Variants in CDH12 observed in about 807,000 individuals in gnomAD.
CDH12 encodes cadherin 12.
CDH12 carries 41 observed loss-of-function variants against 74.1 expected under a neutral mutation model. The ratio of observed to expected loss-of-function variants is 0.55; its 90% CI spans 0.43 to 0.72. CDH12 has a LOEUF of 0.72. CDH12 is among the 30% of genes least tolerant of loss of function. CDH12 has a pLI of 0.00. For synonymous variants in CDH12, 399 were observed against 355.0 expected (o/e 1.12, Z -1.39); for missense variants, 945 against 977.2 (o/e 0.97, Z 0.44).
intron 4 of CDH12, among the ~76,000 whole-genome samples, chr5:22,175,461 G>C (rs1267247990): frequency 6.6e-6 from 1 of 151,874 alleles, no homozygotes; most frequent in Non-Finnish European, 1.5e-5. Context: ...TGGAAAACTT[G>C]AGAATGAAAA....
intron 3 of CDH12, among the ~76,000 whole-genome samples, chr5:22,232,665 AT>A (rs1367868495): frequency 6.6e-6 from 1 of 151,578 alleles, no homozygotes; most frequent in Non-Finnish European, 1.5e-5. Context: ...CTGAAAAAAA[AT>A]ACTTCATCAT....
intron 2 of CDH12, among the ~76,000 whole-genome samples, chr5:22,471,577 GA>G (rs1277786994): frequency 8.5e-5 from 13 of 152,182 alleles, no homozygotes; most frequent in South Asian, 4.2e-4. Context: ...TCCATGGGGG[GA>G]AAAAACTGTA....
At chr5:22,789,932 G>C (rs1032877675) in intron 1 of CDH12, among the ~76,000 whole-genome samples, 5 of 151,830 alleles carry the variant, frequency 3.3e-5, no homozygotes, top group African/African-American at 1.2e-4. Context: ...TTAAATTACA[G>C]TAAAATCTCA....
intron 1 of CDH12, among the ~76,000 whole-genome samples, chr5:22,747,603 C>T: frequency 1.3e-5 from 1 of 77,060 alleles, no homozygotes; most frequent in East Asian, 3.9e-4. Context: ...GAGTGAGACG[C>T]TGCCAAAAAA....
At chr5:22,293,580 A>G (rs1737495574) in intron 3 of CDH12, among the ~76,000 whole-genome samples, 1 of 152,146 alleles carries the variant, frequency 6.6e-6, no homozygotes, top group Non-Finnish European at 1.5e-5. Context: ...GTGTCCATCA[A>G]TGGATGAATG....
In CDH12 at chr5:22,394,263, G is replaced by A. The variant is rs551793344; in HGVS notation, c.-333+10994C>T. Among the ~76,000 whole-genome samples, 6 of 152,058 alleles carry A rather than the reference G, an allele frequency of 3.9e-5. No homozygotes were observed. The East Asian group carries it at 7.7e-4, about 20-fold the overall frequency. On this transcript the variant is annotated intron_variant, in intron 3 of 14. Coordinates refer to ENST00000382254, the MANE Select transcript of CDH12 (RefSeq NM_004061.5). ...GAAAAAAAATCTATGGAGGACTCTC[G>A]TCTAATGATATGAATCACTGTGATT...
chr5:22,209,977 C>G lies in CDH12; in HGVS notation c.-187+2521G>C, dbSNP rs938575289. 1.5e-3 allele frequency among the ~76,000 whole-genome samples: 221 copies of G among 150,994 alleles called. 3 individuals are homozygous for G. Among genetic ancestry groups the G allele is most frequent in the Non-Finnish European group, 5.5e-4 (37 of 67,714 alleles). On this transcript the variant is annotated intron_variant, in intron 4 of 14. Transcript: ENST00000382254. ...CTTGGCCCAGTTACATATGCTCTCT[C>G]AGATTCCAGCTTTCCTTCTGGAAAA...
At chr5:22,478,244 C>T (rs1021139362) in intron 2 of CDH12, among the ~76,000 whole-genome samples, 1 of 151,704 alleles carries the variant, frequency 6.6e-6, no homozygotes. Context: ...CCGTGAAACT[C>T]CGTCTCTACT....
chr5:22,434,889 T>C lies in CDH12; in HGVS notation c.-427-29538A>G, dbSNP rs139085030. On this transcript the variant is annotated intron_variant, in intron 2 of 14. Transcript: ENST00000382254. The stretch of plus-strand genomic sequence containing the variant: ...CCTTCCTTCCTATTGAAATTGCCTT[T>C]GCAAAATTATGACTGAAACAGTGAA... 2.2e-3 allele frequency among the ~76,000 whole-genome samples: 332 copies of C among 152,286 alleles called. 3 individuals are homozygous for C. Among genetic ancestry groups the C allele is most frequent in the African/African-American group, 7.4e-3 (309 of 41,576 alleles).
rs542829075 is a variant in CDH12, at chr5:22,406,974, T to C, written c.-427-1623A>G. 4.6e-5 allele frequency among the ~76,000 whole-genome samples: 7 copies of C among 152,036 alleles called. No homozygotes were observed. The South Asian group carries it at 1.3e-3, about 27-fold the overall frequency. On this transcript the variant is annotated intron_variant, in intron 2 of 14. Coordinates refer to ENST00000382254, the MANE Select transcript of CDH12 (RefSeq NM_004061.5). The stretch of plus-strand genomic sequence containing the variant: ...ATGAAAGAATATAAATCAGATCAAA[T>C]ACATTATTTTATTTATACTTGGCTA...
intron 1 of CDH12, among the ~76,000 whole-genome samples, chr5:22,735,641 T>C (rs1011508008): frequency 1.3e-5 from 2 of 151,936 alleles, no homozygotes; most frequent in Non-Finnish European, 2.9e-5. Context: ...TTTTACACAT[T>C]ATATCAGAAA....
At chr5:22,112,213 A>T (rs4365816) in intron 4 of CDH12, among the ~76,000 whole-genome samples, 71,811 of 151,856 alleles carry the variant, frequency 0.47, 17,191 homozygotes, top group Middle Eastern at 0.52. Flanking sequence ...TCTAAAAAGC[A>T]CTCTGATGTG....
intron 5 of CDH12, among the ~76,000 whole-genome samples, chr5:22,011,145 A>C (rs1460239610): frequency 6.6e-6 from 1 of 152,122 alleles, no homozygotes; most frequent in African/African-American, 2.4e-5. Flanking sequence ...TAGTGAAAAT[A>C]AGCAGCATTT....
chr5:22,387,103 A>G (rs1742030214), intron 3 of CDH12, among the ~76,000 whole-genome samples: 1 of 152,022 alleles, frequency 6.6e-6, no homozygotes, highest in Admixed American at 6.6e-5. Context: ...CTTCTTTTCT[A>G]CAAACTGATG....
At chr5:21,887,480 A>T (rs1752691440) in intron 6 of CDH12, among the ~76,000 whole-genome samples, 1 of 152,156 alleles carries the variant, frequency 6.6e-6, no homozygotes, top group South Asian at 2.1e-4. Context: ...TCTTCCTCCC[A>T]TAGTTAAAAT....
chr5:22,331,465 C>A (rs765063867), intron 3 of CDH12, among the ~76,000 whole-genome samples: 1 of 152,168 alleles, frequency 6.6e-6, no homozygotes. Context: ...TATCTAAGAC[C>A]ACCAAGGTGG....
At chr5:22,720,764 G>T (rs2126988772) in intron 1 of CDH12, among the ~76,000 whole-genome samples, 1 of 152,304 alleles carries the variant, frequency 6.6e-6, no homozygotes, top group African/African-American at 2.4e-5. Flanking sequence ...GGTTGCAGAT[G>T]AAAATGAGGA....
At chr5:22,625,717 T>C (rs1258197901) in intron 1 of CDH12, among the ~76,000 whole-genome samples, 4 of 152,284 alleles carry the variant, frequency 2.6e-5, no homozygotes, top group South Asian at 4.1e-4. Flanking sequence ...CCACGCATGC[T>C]TGCAGGGCAT....
intron 8 of CDH12, among the ~76,000 whole-genome samples, chr5:21,830,754 G>A (rs1462050237): frequency 6.6e-6 from 1 of 151,910 alleles, no homozygotes; most frequent in Non-Finnish European, 1.5e-5. Context: ...AATACTCACA[G>A]AGGCCAGGTA....
Sources: gnomAD v4.1 joint callset for allele counts (sites outside exome capture counted in the v4.1 genomes callset) on GRCh38, gnomAD v4.1.1 for gene constraint, MANE v1.5 for transcripts, NCBI Gene and HGNC (gene_info 2026-07-23, HGNC 2026-07-21) for gene names.